The following CACNA1S variants were observed in gnomAD, a reference collection of about 807,000 sequenced individuals.
The protein encoded by CACNA1S is calcium voltage-gated channel subunit alpha1 S.
Under a neutral mutation model 207.4 loss-of-function variants are expected in CACNA1S, and 126 were observed. The observed-to-expected ratio is 0.61, with a 90% CI of 0.53 to 0.70. The LOEUF is 0.70. Among genes scored for constraint, CACNA1S ranks in the 30% least tolerant of loss-of-function variants. The pLI, the probability that CACNA1S is intolerant of heterozygous loss-of-function variation, is 0.00. For synonymous variants in CACNA1S, 960 were observed against 932.7 expected (o/e 1.03, Z -0.53); for missense variants, 2,349 against 2,422.8 (o/e 0.97, Z 0.64).
At chr1:201,048,866 G>A in intron 35 of CACNA1S, 137 bp downstream of exon 35, 1 of 843,308 alleles carries the variant, frequency 1.2e-6, no homozygotes, top group Non-Finnish European at 2.0e-6. Context: ...GAGACTTCAG[G>A]CCCTTTGGGA....
intron 2 of CACNA1S, among the ~76,000 whole-genome samples, chr1:201,095,843 G>A (rs1212445774): frequency 1.3e-5 from 2 of 152,214 alleles, no homozygotes; most frequent in Non-Finnish European, 2.9e-5. Flanking sequence ...GGCAAGAGGA[G>A]CGGGCTGGAG....
intron 10 of CACNA1S, among the ~76,000 whole-genome samples, chr1:201,080,521 A>G (rs1661805015): frequency 6.6e-6 from 1 of 152,218 alleles, no homozygotes; most frequent in African/African-American, 2.4e-5. Context: ...ACCTGTAGCT[A>G]GTAATTTAAA....
chr1:201,047,377 A>G (rs1660504627), intron 37 of CACNA1S, 138 bp from the exon 38 acceptor site: 5 of 1,340,034 alleles, frequency 3.7e-6, no homozygotes, highest in Non-Finnish European at 5.3e-6. Context: ...GGCACTTTCC[A>G]TCCTGAGGTT....
intron 40 of CACNA1S, among the ~76,000 whole-genome samples, chr1:201,042,629 T>C (rs534737759): frequency 2.0e-5 from 3 of 152,130 alleles, no homozygotes; most frequent in Non-Finnish European, 4.4e-5. Context: ...CTGGAAGGGG[T>C]GCAGGCAGCC....
chr1:201,057,831 G>A (rs1306749357), intron 28 of CACNA1S, among the ~76,000 whole-genome samples: 1 of 152,124 alleles, frequency 6.6e-6, no homozygotes, highest in African/African-American at 2.4e-5. Context: ...AAAAGAAGTA[G>A]GACTCTAATC....
intron 2 of CACNA1S, among the ~76,000 whole-genome samples, chr1:201,095,945 A>G (rs577507035): frequency 2.6e-5 from 4 of 152,184 alleles, no homozygotes; most frequent in Non-Finnish European, 4.4e-5. Flanking sequence ...CATTAAGGAA[A>G]AAGTGTAAGG....
At chr1:201,047,047 G>A (rs1660493482) in intron 38 of CACNA1S, 68 bp downstream of exon 38, 2 of 1,602,188 alleles carry the variant, frequency 1.2e-6, no homozygotes, top group South Asian at 1.1e-5. Context: ...GGACATGGAA[G>A]GATAACTAGA....
rs1660156206 is a variant in CACNA1S at position 201,040,915 on chromosome 1, C to T, written c.5135-202G>A. On this transcript the variant is annotated intron_variant, in intron 41 of 43. Transcript: ENST00000362061. ...GGCAGGGCTGCCCCAACTTTACTGGCCCTGGTCGCTGTTCTTGAAGGTTTG... is the reference window on the plus strand; with the variant it reads ...GGCAGGGCTGCCCCAACTTTACTGGTCCTGGTCGCTGTTCTTGAAGGTTTG... 2.0e-5 allele frequency among the ~76,000 whole-genome samples: 3 copies of T among 152,160 alleles called. No homozygotes were observed. The South Asian group carries it at 6.2e-4, about 31-fold the overall frequency.
intron 2 of CACNA1S, among the ~76,000 whole-genome samples, chr1:201,094,568 G>A (rs763931289): frequency 2.6e-5 from 4 of 152,134 alleles, no homozygotes; most frequent in Non-Finnish European, 4.4e-5. Flanking sequence ...TCACCATGCA[G>A]GGGATGGATG....
chr1:201,088,124 G>A (rs552750283), intron 6 of CACNA1S, among the ~76,000 whole-genome samples, 195 bp from the exon 7 acceptor site: 4 of 152,152 alleles, frequency 2.6e-5, no homozygotes, highest in Admixed American at 6.5e-5. Context: ...TGGTCTGGAA[G>A]GATCTCCCTA....
intron 28 of CACNA1S, among the ~76,000 whole-genome samples, chr1:201,056,070 G>GACAGACACACACAC (rs528783002): frequency 1.4e-4 from 13 of 94,914 alleles, no homozygotes; most frequent in East Asian, 9.1e-4. Context: ...CAGACAGACA[G>GACAGACACACACAC]ACACACACAC....
At chr1:201,083,599 G>A (rs1342947333) in intron 9 of CACNA1S, among the ~76,000 whole-genome samples, 2 of 152,174 alleles carry the variant, frequency 1.3e-5, no homozygotes, top group East Asian at 1.9e-4. Context: ...CAGACGCTCC[G>A]TGTGGTTTAA....
intron 38 of CACNA1S, among the ~76,000 whole-genome samples, chr1:201,045,783 T>C (rs991651200): frequency 2.6e-5 from 4 of 151,000 alleles, no homozygotes; most frequent in African/African-American, 2.4e-5. Context: ...TTCCTGATTT[T>C]GTGGTTATGT....
chr1:201,063,571 G>A (rs1387273843), intron 22 of CACNA1S, among the ~76,000 whole-genome samples: 1 of 152,164 alleles, frequency 6.6e-6, no homozygotes, highest in Non-Finnish European at 1.5e-5. Context: ...TTACAGGCAT[G>A]AGCCACCGCG....
intron 13 of CACNA1S, 93 bp downstream of exon 13, chr1:201,075,402 A>T: frequency 6.6e-7 from 1 of 1,510,582 alleles, no homozygotes; most frequent in Non-Finnish European, 9.1e-7. Context: ...GGGCCTGGCT[A>T]CCTAGAAACT....
rs374923774 is a variant in CACNA1S, at chr1:201,083,368, C to T, written c.1233-46G>A. 3.5e-5 allele frequency: 56 copies of T among 1,600,722 alleles called. 1 individual carries two copies. The highest frequency in any genetic ancestry group is 6.7e-5 in the Admixed American group (4 of 59,974). ...TGGTCTACAGTGCTGTGCTGTTCTA[C>T]GCCCCACCTGTCCAAGCTACCTTCA... On this transcript the variant is annotated intron_variant, in intron 9 of 43. Transcript: ENST00000362061.
chr1:201,076,179 G>A (rs556771034), intron 12 of CACNA1S, among the ~76,000 whole-genome samples: 2 of 152,282 alleles, frequency 1.3e-5, no homozygotes, highest in East Asian at 1.9e-4. Flanking sequence ...CCTAACCCCC[G>A]GGCTTCACTG....
intron 28 of CACNA1S, among the ~76,000 whole-genome samples, chr1:201,057,320 C>T (rs899234127): frequency 6.6e-6 from 1 of 152,232 alleles, no homozygotes; most frequent in Non-Finnish European, 1.5e-5. Flanking sequence ...AACACTCTGG[C>T]CCCCGTTCTG....
Position 201,102,770 on chromosome 1 carries a change from A to T in CACNA1S, c.258+7394T>A, listed in dbSNP as rs572063264. ...TATAGACAGTTTGATTCCAGACTCCATGGTCTCAACCACTATGCCAGGCAG... is the reference window on the plus strand; with the variant it reads ...TATAGACAGTTTGATTCCAGACTCCTTGGTCTCAACCACTATGCCAGGCAG... On this transcript the variant is annotated intron_variant, in intron 2 of 43. Coordinates refer to ENST00000362061, the MANE Select transcript of CACNA1S (RefSeq NM_000069.3). Among the ~76,000 whole-genome samples, 11 of 152,340 alleles carry T rather than the reference A, an allele frequency of 7.2e-5. No individual in the cohort carries two copies. In the East Asian group the frequency reaches 2.1e-3, roughly 29 times the overall value.
Sources: gnomAD v4.1 joint callset for allele counts (sites outside exome capture counted in the v4.1 genomes callset) on GRCh38, gnomAD v4.1.1 for gene constraint, MANE v1.5 for transcripts, NCBI Gene and HGNC (gene_info 2026-07-23, HGNC 2026-07-21) for gene names.